CPM: variants seen among roughly 807,000 people sequenced by gnomAD.
CPM encodes the protein renal carboxypeptidase.
Under a neutral mutation model 46.4 loss-of-function variants are expected in CPM, and 35 were observed. The ratio of observed to expected loss-of-function variants is 0.75; its 90% confidence interval spans 0.58 to 1.00. The LOEUF (loss-of-function observed/expected upper bound fraction) is 1.00, where lower values mean the gene tolerates loss of function less well. CPM is among the 50% of genes least tolerant of loss of function. CPM has a pLI of 0.00. For missense variants in CPM, 422 were observed against 530.4 expected (o/e 0.80, Z 2.01); for synonymous variants, 195 against 195.3 (o/e 1.00, Z 0.01).
chr12:68,924,173 A>C (rs565839152), intron 2 of CPM, among the ~76,000 whole-genome samples: 204 of 149,456 alleles, frequency 1.4e-3, no homozygotes, highest in Middle Eastern at 6.9e-3. Flanking sequence ...AAAAAAACCT[A>C]AAATTGTGGG....
intron 3 of CPM, among the ~76,000 whole-genome samples, chr12:68,883,299 G>T (rs1308347571): frequency 6.6e-6 from 1 of 152,200 alleles, no homozygotes; most frequent in Non-Finnish European, 1.5e-5. Context: ...GAGGAAAAAG[G>T]GGGTTGTTAT....
intron 2 of CPM, among the ~76,000 whole-genome samples, chr12:68,901,573 G>A (rs1887114710): frequency 6.6e-6 from 1 of 152,190 alleles, no homozygotes; most frequent in African/African-American, 2.4e-5. Context: ...ACTAGCAAAA[G>A]CTACACAAAT....
chr12:68,960,897 A>G (rs1250330273), intron 1 of CPM, among the ~76,000 whole-genome samples: 1 of 152,110 alleles, frequency 6.6e-6, no homozygotes, highest in Non-Finnish European at 1.5e-5. Context: ...AGAGTAACAT[A>G]TTTTCTATTA....
intron 2 of CPM, among the ~76,000 whole-genome samples, chr12:68,889,405 C>T (rs778906765): frequency 6.6e-6 from 1 of 151,956 alleles, no homozygotes; most frequent in Non-Finnish European, 1.5e-5. Flanking sequence ...ACTAAAATTA[C>T]GTACAGAATT....
chr12:68,856,796 T>A, intron 8 of CPM, 117 bp from the exon 9 acceptor site: 2 of 1,330,142 alleles, frequency 1.5e-6, no homozygotes, highest in Non-Finnish European at 2.1e-6. Context: ...TGTAACAATC[T>A]ACCAGACCTC....
Position 68,866,409 on chromosome 12 carries a change from T to C in CPM, c.940+487A>G, listed in dbSNP as rs929969011. Among the ~76,000 whole-genome samples the C allele has an allele frequency of 2.0e-5, 3 of 152,316 alleles. 1 individual carries two copies. In the Middle Eastern group the frequency reaches 0.01, roughly 518 times the overall value. ...AGTACATTGGCACCATCTTGGCTCC[T>C]TGGCGGAGGGAGCAACTTCTGCCTC... On this transcript the variant is annotated intron_variant, in intron 7 of 8. Transcript: ENST00000551568.
intron 2 of CPM, among the ~76,000 whole-genome samples, chr12:68,925,627 T>C (rs1238229291): frequency 1.3e-5 from 2 of 152,222 alleles, no homozygotes; most frequent in African/African-American, 4.8e-5. Flanking sequence ...GATATTTGAC[T>C]CAGGGGGGTA....
intron 1 of CPM, among the ~76,000 whole-genome samples, chr12:68,948,842 T>A (rs947957233): frequency 1.3e-5 from 2 of 152,176 alleles, no homozygotes; most frequent in Non-Finnish European, 1.5e-5. Context: ...CCAGTAAGCA[T>A]GCCAATGTAT....
intron 1 of CPM, among the ~76,000 whole-genome samples, chr12:68,962,687 T>C (rs917903649): frequency 2.0e-5 from 3 of 152,182 alleles, no homozygotes; most frequent in African/African-American, 7.2e-5. Context: ...ACATGCCTCA[T>C]TGTACCCTCT....
intron 2 of CPM, among the ~76,000 whole-genome samples, chr12:68,894,169 C>T (rs576906303): frequency 2.0e-5 from 3 of 152,246 alleles, no homozygotes; most frequent in Admixed American, 6.5e-5. Flanking sequence ...ACAACTTTTT[C>T]ACTCTTTGAG....
chr12:68,875,943 CAT>C (rs1205241444), intron 3 of CPM, among the ~76,000 whole-genome samples: 21 of 151,996 alleles, frequency 1.4e-4, no homozygotes, highest in African/African-American at 4.1e-4. Flanking sequence ...TACAATATAA[CAT>C]ATGAGACATT....
chr12:68,874,887 T>C (rs1390404610), intron 3 of CPM, among the ~76,000 whole-genome samples: 1 of 151,994 alleles, frequency 6.6e-6, no homozygotes, highest in East Asian at 1.9e-4. Context: ...AATCATACAC[T>C]CTCCAGCATG....
chr12:68,962,158 C>A (rs1173458402), intron 1 of CPM, among the ~76,000 whole-genome samples: 1 of 150,212 alleles, frequency 6.7e-6, no homozygotes, highest in African/African-American at 2.5e-5. Context: ...CAAGATAGCG[C>A]CACTGCACTC....
Position 68,870,389 on chromosome 12 carries a change from T to A in CPM, c.442A>T (p.Asn148Tyr). ...AAATTTCGATTCAAGTCATACTGGTTATAATTTTCCCTTTAAAAGAAAGAA... is the reference window on the plus strand; with the variant it reads ...AAATTTCGATTCAAGTCATACTGGTAATAATTTTCCCTTTAAAAGAAAGAA... Reference protein sequence around the residue: ...CYYSIGRENYNQYDLNRNFPD... With the variant: ...CYYSIGRENYYQYDLNRNFPD... The change falls in exon 5 of 9, where the codon AAC becomes TAC. Residue 148 changes from asparagine (N) to tyrosine (Y), a missense_variant. Asn to Tyr is a moderately radical substitution (Grantham distance 143). Coordinates refer to ENST00000551568, the MANE Select transcript of CPM (RefSeq NM_198320.5). 1 of 1,613,742 alleles carries A rather than the reference T, an allele frequency of 6.2e-7. No individual in the cohort carries two copies.
At chr12:68,932,576 G>A in intron 2 of CPM, 102 bp downstream of exon 2, 5 of 1,369,202 alleles carry the variant, frequency 3.7e-6, no homozygotes, top group Non-Finnish European at 5.1e-6. Context: ...GTGCCACTCA[G>A]AGTAGGTGCG....
At chr12:68,926,871 T>C (rs934235113) in intron 2 of CPM, among the ~76,000 whole-genome samples, 2 of 152,230 alleles carry the variant, frequency 1.3e-5, no homozygotes, top group African/African-American at 4.8e-5. Context: ...ATTTCATCCA[T>C]GTCCCTACAA....
chr12:68,882,402 C>CT (rs35579795), intron 3 of CPM, among the ~76,000 whole-genome samples: 1 of 151,796 alleles, frequency 6.6e-6, no homozygotes, highest in South Asian at 2.1e-4. Flanking sequence ...TGATCTTGTT[C>CT]TTTTTTCATG....
At chr12:68,843,033 A>C (rs1883927517) in intron 5 of CPM, 1 of 215,454 alleles carries the variant, frequency 4.6e-6, no homozygotes, top group Non-Finnish European at 9.3e-6. Context: ...TTATTTTTCG[A>C]GCCTAGCAAT....
At chr12:68,846,486 G>T (rs1884307445), downstream of CPM, 1 of 151,880 alleles carries the variant, frequency 6.6e-6, no homozygotes, top group South Asian at 2.1e-4. Context: ...TCTATTTTTG[G>T]TTCACACCTC....
Sources: allele counts gnomAD v4.1 joint callset (sites outside exome capture counted in the v4.1 genomes callset), GRCh38; gene constraint gnomAD v4.1.1; transcripts MANE v1.5; gene names NCBI Gene and HGNC (gene_info 2026-07-23, HGNC 2026-07-21).